Variants in RXFP1 observed in about 807,000 individuals in gnomAD.
The protein encoded by RXFP1 is relaxin family peptide receptor 1.
A neutral mutation model predicts 89.8 loss-of-function variants in RXFP1; 73 were observed. That is an observed-to-expected ratio of 0.81 (90% CI 0.67 to 0.99). The LOEUF (loss-of-function observed/expected upper bound fraction) is 0.99. Among genes scored for constraint, RXFP1 ranks in the 50% least tolerant of loss-of-function variants. The pLI is 0.00. For synonymous variants in RXFP1, 277 were observed against 305.5 expected, an observed-to-expected ratio of 0.91 and a Z score of 0.97; for missense variants, 793 against 895.5, an observed-to-expected ratio of 0.89 and a Z score of 1.46.
At chr4:158,597,908 T>C (rs1760944540) in intron 3 of RXFP1, among the ~76,000 whole-genome samples, 1 of 152,196 alleles carries the variant, frequency 6.6e-6, no homozygotes, top group South Asian at 2.1e-4. Flanking sequence ...AGTGGGTACT[T>C]GCAACTATAA....
At chr4:158,627,057 C>A (rs1443359052) in intron 10 of RXFP1, among the ~76,000 whole-genome samples, 166 bp downstream of exon 10, 2 of 152,038 alleles carry the variant, frequency 1.3e-5, no homozygotes, top group Non-Finnish European at 2.9e-5. Flanking sequence ...GAATGTTTAT[C>A]CTTTGCAAAT....
chr4:158,586,899 A>G (rs1011041550), intron 2 of RXFP1, among the ~76,000 whole-genome samples: 2 of 152,210 alleles, frequency 1.3e-5, no homozygotes, highest in African/African-American at 4.8e-5. Flanking sequence ...GGTAAAAAAA[A>G]AAAAGAAAAT....
At chr4:158,581,979 G>A (rs950291007) in intron 2 of RXFP1, among the ~76,000 whole-genome samples, 1 of 152,114 alleles carries the variant, frequency 6.6e-6, no homozygotes, top group African/African-American at 2.4e-5. Context: ...AGAGAGGAGG[G>A]GAGGTACCAG....
chr4:158,531,624 G>A (rs192502518), intron 1 of RXFP1, among the ~76,000 whole-genome samples: 4 of 152,204 alleles, frequency 2.6e-5, no homozygotes, highest in Admixed American at 1.3e-4. Context: ...GTTTGAGGGT[G>A]GAAGGAAATG....
At chr4:158,554,794 A>G (rs1750921819) in intron 1 of RXFP1, among the ~76,000 whole-genome samples, 1 of 152,152 alleles carries the variant, frequency 6.6e-6, no homozygotes. Flanking sequence ...TAAGTCATAG[A>G]GTATAATTAA....
chr4:158,589,804 G>A (rs1297818737), intron 2 of RXFP1, among the ~76,000 whole-genome samples: 1 of 152,136 alleles, frequency 6.6e-6, no homozygotes, highest in African/African-American at 2.4e-5. Flanking sequence ...TATAATCTCA[G>A]CACTTTAGGA....
intron 14 of RXFP1, among the ~76,000 whole-genome samples, chr4:158,643,272 G>T (rs1770740725): frequency 6.6e-6 from 1 of 152,040 alleles, no homozygotes; most frequent in African/African-American, 2.4e-5. Flanking sequence ...TGTTAGAAAA[G>T]AAATTATTTG....
intron 2 of RXFP1, among the ~76,000 whole-genome samples, chr4:158,580,572 A>G (rs1191785693): frequency 6.6e-6 from 1 of 152,156 alleles, no homozygotes; most frequent in African/African-American, 2.4e-5. Flanking sequence ...CCCTCTGCCT[A>G]TGAATGCTTC....
intron 1 of RXFP1, among the ~76,000 whole-genome samples, chr4:158,548,433 G>T (rs1749131305): frequency 6.6e-6 from 1 of 152,184 alleles, no homozygotes; most frequent in African/African-American, 2.4e-5. Context: ...TTTAATTGGA[G>T]CATTTAGCCC....
intron 1 of RXFP1, among the ~76,000 whole-genome samples, chr4:158,539,320 G>A (rs953490134): frequency 6.6e-6 from 1 of 152,032 alleles, no homozygotes; most frequent in African/African-American, 2.4e-5. Context: ...ATCACACACC[G>A]GGGACTATTG....
At chr4:158,527,644 A>T (rs1373735425) in intron 1 of RXFP1, among the ~76,000 whole-genome samples, 1 of 150,230 alleles carries the variant, frequency 6.7e-6, no homozygotes, top group Admixed American at 6.6e-5. Flanking sequence ...ATTTAAGGAA[A>T]AATGAAGTTT....
intron 4 of RXFP1, among the ~76,000 whole-genome samples, chr4:158,600,427 A>C (rs1318932629): frequency 6.6e-6 from 1 of 152,216 alleles, no homozygotes; most frequent in Non-Finnish European, 1.5e-5. Flanking sequence ...AGAGTTTTCC[A>C]AAAGAGGGAA....
At chr4:158,607,327 G>GT (rs11326047) in intron 5 of RXFP1, among the ~76,000 whole-genome samples, 16 of 151,740 alleles carry the variant, frequency 1.1e-4, no homozygotes, top group East Asian at 1.9e-4. Context: ...TTATTTTTAT[G>GT]TTTTTTTTCT....
At chr4:158,604,137 C>A (rs1762177182) in intron 4 of RXFP1, among the ~76,000 whole-genome samples, 1 of 151,946 alleles carries the variant, frequency 6.6e-6, no homozygotes, top group African/African-American at 2.4e-5. Flanking sequence ...CAAGTTTAAG[C>A]AACACCACTT....
chr4:158,601,301 G>A (rs1761651428), intron 4 of RXFP1, among the ~76,000 whole-genome samples: 1 of 152,086 alleles, frequency 6.6e-6, no homozygotes, highest in Admixed American at 6.6e-5. Context: ...ATGACTCCAA[G>A]GTTTCCCTTC....
chr4:158,648,141 A>G lies in RXFP1; in HGVS notation c.1757-358A>G, dbSNP rs916332366. Among the ~76,000 whole-genome samples, 6 of 152,318 alleles carry G rather than the reference A, an allele frequency of 3.9e-5. No individual in the cohort carries two copies. The East Asian group carries it at 1.2e-3, about 29-fold the overall frequency. On this transcript the variant is annotated intron_variant, in intron 16 of 17. Transcript: ENST00000307765. ...CAGTGAGCTATGATTGTACCACTGC[A>G]CTTCAGTCAGTGACAGAGCAAGAAC... is the stretch of plus-strand genomic sequence containing the variant.
chr4:158,649,947 T>C (rs1379036180), intron 17 of RXFP1, among the ~76,000 whole-genome samples: 6 of 152,250 alleles, frequency 3.9e-5, no homozygotes, highest in Non-Finnish European at 7.3e-5. Flanking sequence ...CCCATGTTCA[T>C]TGCAGCATTA....
chr4:158,605,259 GA>G, intron 5 of RXFP1, 120 bp downstream of exon 5: 1 of 491,734 alleles, frequency 2.0e-6, no homozygotes, highest in Non-Finnish European at 3.7e-6. Flanking sequence ...CCTATTCAGG[GA>G]AATATTTAGC....
intron 15 of RXFP1, among the ~76,000 whole-genome samples, chr4:158,645,791 T>C (rs1456897230): frequency 6.6e-6 from 1 of 152,112 alleles, no homozygotes; most frequent in Non-Finnish European, 1.5e-5. Context: ...TCAATCTACA[T>C]GAGGTTCTAC....
Sources: gnomAD v4.1 joint callset for allele counts (sites outside exome capture counted in the v4.1 genomes callset) on GRCh38, gnomAD v4.1.1 for gene constraint, MANE v1.5 for transcripts, NCBI Gene and HGNC (gene_info 2026-07-23, HGNC 2026-07-21) for gene names.